ZNF81: variants seen among roughly 807,000 people sequenced by gnomAD.
The protein encoded by ZNF81 is zinc finger protein 81 (HFZ20).
ZNF81 carries 5 observed loss-of-function variants against 32.3 expected under a neutral mutation model. The ratio of observed to expected loss-of-function variants is 0.15; its 90% CI spans 0.08 to 0.33. The LOEUF is 0.33. Ranked by LOEUF, ZNF81 falls within the 10% of genes least tolerant of loss-of-function variation. The pLI is 1.00. For synonymous variants in ZNF81, 163 were observed against 166.8 expected, an observed-to-expected ratio of 0.98 and a Z score of 0.17; for missense variants, 379 against 479.8, an observed-to-expected ratio of 0.79 and a Z score of 1.96.
chrX:47,892,378 C>T (rs377080660), intron 3 of ZNF81, among the ~76,000 whole-genome samples: 7 of 112,145 alleles, frequency 6.2e-5, no homozygotes, highest in African/African-American at 1.3e-4. Context: ...CAAGGATGCT[C>T]GGGCTCCCCT....
chrX:47,853,295 C>A (rs112974212), intron 2 of ZNF81, among the ~76,000 whole-genome samples: 4,046 of 108,839 alleles, frequency 0.037, 81 homozygotes, highest in Middle Eastern at 0.09. Flanking sequence ...GATTCTCCTG[C>A]CTCAGCCTCC....
chrX:47,909,502 TTTTGTTTG>T (rs200538802), intron 4 of ZNF81, among the ~76,000 whole-genome samples: 11 of 111,298 alleles, frequency 9.9e-5, no homozygotes, highest in Non-Finnish European at 1.9e-4. Context: ...ACTTAAGGTT[TTTTGTTTG>T]TTTGTTTGTT....
chrX:47,876,790 C>G (rs1402395215), intron 2 of ZNF81, among the ~76,000 whole-genome samples: 1 of 112,500 alleles, frequency 8.9e-6, no homozygotes, highest in Non-Finnish European at 1.9e-5. Context: ...TCCTGCTACT[C>G]TTTTTCACTG....
At chrX:47,885,255 T>G (rs1403059218) in intron 2 of ZNF81, among the ~76,000 whole-genome samples, 1 of 111,799 alleles carries the variant, frequency 8.9e-6, no homozygotes, top group Admixed American at 9.5e-5. Context: ...TCTCAATAGT[T>G]TGACTATGAT....
At chrX:47,876,756 G>A (rs985625696) in intron 2 of ZNF81, among the ~76,000 whole-genome samples, 3 of 112,416 alleles carry the variant, frequency 2.7e-5, no homozygotes, top group African/African-American at 9.7e-5. Flanking sequence ...TTCAGTTGGT[G>A]GGAATCCCCT....
intron 2 of ZNF81, among the ~76,000 whole-genome samples, chrX:47,884,151 C>G: frequency 9.9e-6 from 1 of 100,953 alleles, no homozygotes; most frequent in Middle Eastern, 5.6e-3. Context: ...GAGGCTGAGG[C>G]AGAGAATTGC....
rs1556890684 is a variant in ZNF81, at chrX:47,915,818, G to A, written c.1172G>A (p.Cys391Tyr). 1 of 1,211,610 alleles carries A rather than the reference G, an allele frequency of 8.3e-7. No individual in the cohort carries two copies. Among genetic ancestry groups the A allele is most frequent in the South Asian group, 1.8e-5 (1 of 56,959 alleles). The change falls in exon 5 of 5, where the codon TGT becomes TAT. Residue 391 changes from cysteine (C) to tyrosine (Y), a missense_variant. By Grantham distance (194) the Cys-to-Tyr change is radical. Transcript: ENST00000338637. ...GAAAAACTCTTTGAATGCAGTGAAT[G>A]TGGTAAAGGCTTCTCCCTGAACTCA... ...TGEKLFECSE[C>Y]GKGFSLNSAL...
intron 2 of ZNF81, among the ~76,000 whole-genome samples, chrX:47,884,935 C>T (rs2058635721): frequency 8.9e-6 from 1 of 111,798 alleles, no homozygotes; most frequent in Non-Finnish European, 1.9e-5. Flanking sequence ...TCTTTTGTTG[C>T]CTTTCATGAA....
intron 2 of ZNF81, among the ~76,000 whole-genome samples, chrX:47,855,558 A>G (rs1202037893): frequency 1.8e-5 from 2 of 111,418 alleles, no homozygotes; most frequent in Non-Finnish European, 3.8e-5. Flanking sequence ...CTTCTAATAG[A>G]TGGTAGGGCT....
intron 4 of ZNF81, among the ~76,000 whole-genome samples, chrX:47,904,516 C>A (rs1164660670): frequency 3.7e-5 from 4 of 108,498 alleles, no homozygotes; most frequent in Admixed American, 2.9e-4. Context: ...CAATGAGATA[C>A]CATCTCACAC....
chrX:47,909,187 A>G (rs7052321), intron 4 of ZNF81, among the ~76,000 whole-genome samples: 1,281 of 112,155 alleles, frequency 0.011, 23 homozygotes, highest in African/African-American at 0.039. Flanking sequence ...TGATCACTGG[A>G]TCATATGTGC....
chrX:47,904,827 C>T (rs1465114955), intron 4 of ZNF81, among the ~76,000 whole-genome samples: 3 of 111,287 alleles, frequency 2.7e-5, no homozygotes, highest in East Asian at 2.8e-4. Flanking sequence ...TGTCCAACAA[C>T]GATAGACTGG....
chrX:47,880,548 G>A lies in ZNF81; in HGVS notation c.55-7451G>A, dbSNP rs782144728. Among the ~76,000 whole-genome samples, 11 of 112,105 alleles carry A rather than the reference G, an allele frequency of 9.8e-5. No individual in the cohort carries two copies. The South Asian group carries it at 3.7e-3, about 38-fold the overall frequency. On this transcript the variant is annotated intron_variant, in intron 2 of 4. Transcript: ENST00000338637. ...TTGCTTTTATTAGCATTTCTCAGCT[G>A]GAATTCTTCTGTAAAGAATAAATTT...
chrX:47,870,670 C>G (rs1292348385), intron 2 of ZNF81, among the ~76,000 whole-genome samples: 1 of 112,471 alleles, frequency 8.9e-6, no homozygotes, highest in Non-Finnish European at 1.9e-5. Flanking sequence ...ACAAACATCT[C>G]TTACCTTCTG....
intron 2 of ZNF81, among the ~76,000 whole-genome samples, chrX:47,864,915 T>C (rs1556883042): frequency 8.9e-6 from 1 of 111,911 alleles, no homozygotes; most frequent in East Asian, 2.8e-4. Flanking sequence ...TTAAGAAATA[T>C]AAAAGAGAAT....
chrX:47,855,686 A>T (rs782038747), intron 2 of ZNF81, among the ~76,000 whole-genome samples: 62 of 111,372 alleles, frequency 5.6e-4, no homozygotes, highest in Admixed American at 2.9e-4. Context: ...TTGTAAATAA[A>T]CTTGCATTAA....
chrX:47,903,284 A>G (rs1361283700), intron 4 of ZNF81, among the ~76,000 whole-genome samples: 1 of 104,175 alleles, frequency 9.6e-6, no homozygotes, highest in Admixed American at 1.0e-4. Context: ...CTGTTTGCAG[A>G]TGACATGATT....
chrX:47,896,709 A>G (rs1187189834), intron 4 of ZNF81, among the ~76,000 whole-genome samples: 1 of 111,994 alleles, frequency 8.9e-6, no homozygotes, highest in Admixed American at 9.5e-5. Flanking sequence ...ATTCCTTCAC[A>G]CAGAATGCTC....
At chrX:47,890,804 A>T (rs979043462) in intron 3 of ZNF81, among the ~76,000 whole-genome samples, 1 of 112,180 alleles carries the variant, frequency 8.9e-6, no homozygotes, top group Non-Finnish European at 1.9e-5. Context: ...TTTTTCTTAT[A>T]GGAGGGGCCA....
Sources: gnomAD v4.1 joint callset for allele counts (sites outside exome capture counted in the v4.1 genomes callset) on GRCh38, gnomAD v4.1.1 for gene constraint, MANE v1.5 for transcripts, NCBI Gene and HGNC (gene_info 2026-07-23, HGNC 2026-07-21) for gene names.